VWA3B: variants seen among roughly 807,000 people sequenced by gnomAD.
VWA3B encodes the protein von Willebrand factor A domain containing 3B.
In VWA3B, 138 loss-of-function variants were observed where a neutral mutation model predicts 158.3. That is an observed-to-expected ratio of 0.87 (90% CI 0.76 to 1.00). VWA3B has a LOEUF of 1.00. VWA3B is among the 50% of genes least tolerant of loss of function. The pLI, the probability that VWA3B is intolerant of heterozygous loss-of-function variation, is 0.00. For synonymous variants in VWA3B, 596 were observed against 587.3 expected (o/e 1.01, Z -0.21); for missense variants, 1,555 against 1,565.1 (o/e 0.99, Z 0.11).
intron 3 of VWA3B, among the ~76,000 whole-genome samples, chr2:98,117,377 C>T (rs958116427): frequency 4.6e-5 from 7 of 152,192 alleles, no homozygotes; most frequent in South Asian, 4.1e-4. Context: ...AGAGGGCCAA[C>T]GCTCAGCTCA....
At chr2:98,271,163 G>C (rs1220313267) in intron 22 of VWA3B, among the ~76,000 whole-genome samples, 1 of 151,870 alleles carries the variant, frequency 6.6e-6, no homozygotes, top group South Asian at 2.1e-4. Context: ...ACTTTCACAG[G>C]AGCCAGACCA....
chr2:98,211,052 G>T (rs1465327321), intron 12 of VWA3B, among the ~76,000 whole-genome samples: 1 of 152,210 alleles, frequency 6.6e-6, no homozygotes, highest in Non-Finnish European at 1.5e-5. Context: ...ACTGCAGCGG[G>T]GCCCCCACCA....
Position 98,312,044 on chromosome 2 carries a change from G to A in VWA3B, c.3735+12G>A, listed in dbSNP as rs374561862. The A allele has an allele frequency of 2.6e-6, 4 of 1,523,880 alleles. No individual in the cohort carries two copies. Among genetic ancestry groups the A allele is most frequent in the South Asian group, 1.2e-5 (1 of 85,204 alleles). 94.4% of individuals were successfully genotyped at this position (1,523,880 alleles called of 1,614,324 possible). ...ACCCCGAGCCCAGGGTTTGGGTGAT[G>A]GGGGGGGAACACAACATCGCTTATC... is the stretch of plus-strand genomic sequence containing the variant. On this transcript the variant is annotated intron_variant, in intron 27 of 27. Transcript: ENST00000477737.
At chr2:98,272,847 G>A (rs1688288825) in intron 22 of VWA3B, among the ~76,000 whole-genome samples, 1 of 152,194 alleles carries the variant, frequency 6.6e-6, no homozygotes, top group African/African-American at 2.4e-5. Flanking sequence ...CATTATCACA[G>A]GAGTGGATTC....
the VWA3B span, among the ~76,000 whole-genome samples, chr2:98,320,813 A>G: frequency 6.6e-6 from 1 of 152,148 alleles, no homozygotes; most frequent in Non-Finnish European, 1.5e-5. Context: ...GCAATAGGAG[A>G]GAAAACGCCA....
intron 7 of VWA3B, among the ~76,000 whole-genome samples, chr2:98,158,337 C>A (rs1317446780): frequency 2.0e-5 from 3 of 152,144 alleles, no homozygotes; most frequent in Non-Finnish European, 4.4e-5. Flanking sequence ...AGCAAGTGCC[C>A]GAGCACTGCA....
intron 7 of VWA3B, among the ~76,000 whole-genome samples, chr2:98,150,656 C>T (rs974338635): frequency 1.3e-5 from 2 of 152,224 alleles, no homozygotes; most frequent in African/African-American, 4.8e-5. Context: ...GAGCAGGAGG[C>T]ATACTCTTCT....
chr2:98,280,474 G>A (rs1450076490), intron 22 of VWA3B, among the ~76,000 whole-genome samples: 1 of 152,238 alleles, frequency 6.6e-6, no homozygotes, highest in African/African-American at 2.4e-5. Context: ...CCCCGGTGCT[G>A]CCCTGGGGTC....
At chr2:98,284,964 G>A (rs147134603) in intron 22 of VWA3B, among the ~76,000 whole-genome samples, 1 of 152,066 alleles carries the variant, frequency 6.6e-6, no homozygotes, top group Non-Finnish European at 1.5e-5. Context: ...CAGTCATTCA[G>A]TCCACTACAG....
chr2:98,216,457 G>T (rs1004802395), intron 13 of VWA3B, among the ~76,000 whole-genome samples: 1 of 152,256 alleles, frequency 6.6e-6, no homozygotes, highest in African/African-American at 2.4e-5. Context: ...TTAGCATAGG[G>T]TATGTGAGGG....
chr2:98,192,889 C>T lies in VWA3B; in HGVS notation c.1467-9C>T. 1 of 1,614,184 alleles carries T rather than the reference C, an allele frequency of 6.2e-7. No individual in the cohort carries two copies. Among genetic ancestry groups the T allele is most frequent in the Non-Finnish European group, 8.5e-7 (1 of 1,180,030 alleles). On this transcript the variant is annotated splice_polypyrimidine_tract_variant and intron_variant, in intron 10 of 27. Transcript: ENST00000477737. ...CTCACCATTCACTTTCAACCTACTT[C>T]CTGCCTAGGATTAAATGGCTACAGG...
chr2:98,168,334 A>G (rs1458269542), intron 8 of VWA3B, among the ~76,000 whole-genome samples: 1 of 151,528 alleles, frequency 6.6e-6, no homozygotes. Flanking sequence ...ATATTGGACA[A>G]TTATGTATCA....
intron 13 of VWA3B, among the ~76,000 whole-genome samples, chr2:98,212,393 AT>A (rs1683601723): frequency 6.6e-6 from 1 of 152,222 alleles, no homozygotes; most frequent in South Asian, 2.1e-4. Flanking sequence ...TGAATCTAAC[AT>A]GTCACTGCAT....
the VWA3B span, among the ~76,000 whole-genome samples, chr2:98,321,521 G>A: frequency 3.9e-5 from 6 of 152,312 alleles, no homozygotes; most frequent in South Asian, 4.1e-4. Context: ...GCCCAAGGCC[G>A]GGGAAGCTTA....
At position 98,189,321 on chromosome 2, in the gene VWA3B, C is replaced by T. The variant is rs368513554; in HGVS notation, c.1466+1192C>T. ...GTTCGGGAGGCTGAGGCAGGAGAAT[C>T]GCTTGAACCCGGGAGGCGGAGCTTG... is the stretch of plus-strand genomic sequence containing the variant. On this transcript the variant is annotated intron_variant, in intron 10 of 27. Coordinates refer to ENST00000477737, the MANE Select transcript of VWA3B (RefSeq NM_144992.5). 2.6e-3 allele frequency among the ~76,000 whole-genome samples: 393 copies of T among 152,300 alleles called. 1 individual carries two copies. The highest frequency in any genetic ancestry group is 8.0e-3 in the African/African-American group (332 of 41,556).
intron 25 of VWA3B, among the ~76,000 whole-genome samples, chr2:98,300,671 G>A (rs769424735): frequency 6.6e-6 from 1 of 151,992 alleles, no homozygotes; most frequent in Non-Finnish European, 1.5e-5. Flanking sequence ...CTTTCGGTGT[G>A]AGCCTCCATC....
chr2:98,320,225 G>A, the VWA3B span, among the ~76,000 whole-genome samples: 1 of 152,194 alleles, frequency 6.6e-6, no homozygotes, highest in Non-Finnish European at 1.5e-5. Context: ...CACCAAGTAA[G>A]TCATGGCTTT....
intron 7 of VWA3B, among the ~76,000 whole-genome samples, chr2:98,159,327 C>T (rs1300895829): frequency 6.6e-6 from 1 of 152,102 alleles, no homozygotes; most frequent in Non-Finnish European, 1.5e-5. Flanking sequence ...TGGCTCTCTG[C>T]AACCTCTGCT....
intron 1 of VWA3B, among the ~76,000 whole-genome samples, chr2:98,091,008 A>C (rs1450991836): frequency 3.3e-5 from 5 of 152,242 alleles, no homozygotes; most frequent in African/African-American, 9.6e-5. Flanking sequence ...GATCTTCTCA[A>C]CGTGCTGGGA....
Sources: gnomAD v4.1 joint callset for allele counts (sites outside exome capture counted in the v4.1 genomes callset) on GRCh38, gnomAD v4.1.1 for gene constraint, MANE v1.5 for transcripts, NCBI Gene and HGNC (gene_info 2026-07-23, HGNC 2026-07-21) for gene names.